Variants in KIZ observed in about 807,000 individuals in gnomAD.
The protein encoded by KIZ is kizuna centrosomal protein.
A neutral mutation model predicts 79.6 loss-of-function variants in KIZ; 68 were observed. That is an observed-to-expected ratio of 0.85 (90% CI 0.70 to 1.05). The LOEUF (loss-of-function observed/expected upper bound fraction) is 1.05. Among genes scored for constraint, KIZ ranks in the 50% least tolerant of loss-of-function variants. KIZ has a pLI of 0.00. For missense variants in KIZ, 797 were observed against 800.4 expected, an observed-to-expected ratio of 1.00 and a Z score of 0.05; for synonymous variants, 280 against 281.8, an observed-to-expected ratio of 0.99 and a Z score of 0.06.
chr20:21,222,121 G>A (rs999081809), intron 9 of KIZ, among the ~76,000 whole-genome samples: 7 of 152,206 alleles, frequency 4.6e-5, no homozygotes, highest in African/African-American at 1.7e-4. Flanking sequence ...TGCTACTTGC[G>A]GTAGCAAAAC....
At chr20:21,190,483 A>T (rs1333337366) in intron 6 of KIZ, among the ~76,000 whole-genome samples, 2 of 152,200 alleles carry the variant, frequency 1.3e-5, no homozygotes, top group African/African-American at 4.8e-5. Context: ...GTACCTGTGG[A>T]TGGGAGAGTC....
At chr20:21,193,092 T>A (rs986701046) in intron 6 of KIZ, among the ~76,000 whole-genome samples, 1 of 152,150 alleles carries the variant, frequency 6.6e-6, no homozygotes, top group Non-Finnish European at 1.5e-5. Context: ...CAGAGAGACC[T>A]TGCATCTCTG....
rs2033722183 is a variant in KIZ at position 21,162,464 on chromosome 20, T to TA, written c.1001dup (p.Trp335ValfsTer43). The TA allele has an allele frequency of 4.3e-6, 7 of 1,613,294 alleles. No individual in the cohort carries two copies. Among genetic ancestry groups the TA allele is most frequent in the Non-Finnish European group, 5.9e-6 (7 of 1,179,646 alleles). The stretch of plus-strand genomic sequence containing the variant: ...TTTCAGAATACTGTGAATCTGAAAA[T>TA]AAGTGGTCTCAAGAGAAGCATTCTC... On this transcript the variant is annotated frameshift_variant, in exon 5 of 13. Transcript: ENST00000619189. LOFTEE classifies it high-confidence loss of function.
At position 21,199,546 on chromosome 20, in the gene KIZ, G is replaced by C. The variant is rs2035501846; in HGVS notation, c.1353-5945G>C. ...CTTGAAAAAAGTGCCAAGTGTTTGT[G>C]ACCTTTGAGAGACAGCAGTCAGGTC... is the stretch of plus-strand genomic sequence containing the variant. On this transcript the variant is annotated intron_variant, in intron 6 of 12. Coordinates refer to ENST00000619189, the MANE Select transcript of KIZ (RefSeq NM_018474.6). Among the ~76,000 whole-genome samples the C allele has an allele frequency of 2.0e-5, 3 of 152,152 alleles. No individual in the cohort carries two copies. In the South Asian group the frequency reaches 6.2e-4, roughly 32 times the overall value.
chr20:21,205,457 A>G (rs1181130934), intron 6 of KIZ, 34 bp from the exon 7 acceptor site: 8 of 866,998 alleles, frequency 9.2e-6, no homozygotes, highest in South Asian at 3.1e-5. Flanking sequence ...TAATATTACA[A>G]ATCTATAGTG....
intron 6 of KIZ, among the ~76,000 whole-genome samples, chr20:21,178,900 G>A (rs1324450913): frequency 1.3e-5 from 2 of 151,950 alleles, no homozygotes; most frequent in African/African-American, 2.4e-5. Context: ...ATTCATTCTT[G>A]CATCCCAGGG....
intron 6 of KIZ, among the ~76,000 whole-genome samples, chr20:21,178,139 A>G (rs1230245808): frequency 6.6e-6 from 1 of 152,000 alleles, no homozygotes; most frequent in African/African-American, 2.4e-5. Flanking sequence ...TTTGATAGCA[A>G]TTTCATAGAA....
chr20:21,223,216 C>T (rs775372524), intron 9 of KIZ, among the ~76,000 whole-genome samples: 8 of 152,246 alleles, frequency 5.3e-5, no homozygotes, highest in Middle Eastern at 6.8e-3. Context: ...GTTGAAAATC[C>T]ACCTCTCACG....
chr20:21,141,823 A>T lies in KIZ; in HGVS notation c.316-3742A>T, dbSNP rs7270859. On this transcript the variant is annotated intron_variant, in intron 3 of 12. Coordinates refer to ENST00000619189, the MANE Select transcript of KIZ (RefSeq NM_018474.6). ...AACACACACACACACACACACACAC[A>T]CTCTCTCTCTCTCTCTCTCTCTCTC... is the stretch of plus-strand genomic sequence containing the variant. Among the ~76,000 whole-genome samples, 821 of 104,000 alleles carry T rather than the reference A, an allele frequency of 7.9e-3. 8 individuals carry two copies. Among genetic ancestry groups the T allele is most frequent in the Non-Finnish European group, 9.0e-3 (455 of 50,832 alleles). The allele number at this position is 104,000 out of a possible 152,430, so 68.2% of individuals were successfully genotyped here.
At chr20:21,185,238 T>A (rs1162468490) in intron 6 of KIZ, among the ~76,000 whole-genome samples, 1 of 152,224 alleles carries the variant, frequency 6.6e-6, no homozygotes, top group Non-Finnish European at 1.5e-5. Flanking sequence ...TCAACTATTT[T>A]TCTCACTTTT....
At position 21,161,904 on chromosome 20, in the gene KIZ, G is replaced by A. The variant is rs572412976; in HGVS notation, c.439G>A (p.Ala147Thr). The stretch of plus-strand genomic sequence containing the variant: ...GCACGAGGGGATTAACTCAGGAACA[G>A]CCATGTCAAGAGGATTGTATCAACC... ...AVHEGINSGTAMSRGLYQPAT... is the reference protein window; with the variant it reads ...AVHEGINSGTTMSRGLYQPAT... The change falls in exon 5 of 13, where the codon GCC (alanine) becomes ACC (threonine). Residue 147 changes from alanine (A) to threonine (T), a missense_variant. By Grantham distance (58) the Ala-to-Thr change is moderately conservative. Coordinates refer to ENST00000619189, the MANE Select transcript of KIZ (RefSeq NM_018474.6). The A allele has an allele frequency of 2.5e-6, 4 of 1,613,220 alleles. No homozygotes were observed. In the South Asian group the frequency reaches 3.3e-5, roughly 13 times the overall value.
chr20:21,154,616 A>T (rs1287991207), intron 4 of KIZ, among the ~76,000 whole-genome samples: 2 of 152,232 alleles, frequency 1.3e-5, no homozygotes, highest in African/African-American at 4.8e-5. Flanking sequence ...AAAGTTGGTC[A>T]TTATGTCAGA....
chr20:21,207,671 G>C (rs557015289), intron 7 of KIZ, among the ~76,000 whole-genome samples: 2 of 151,836 alleles, frequency 1.3e-5, no homozygotes, highest in South Asian at 4.2e-4. Context: ...AGATAACCTA[G>C]ATCTATTCCT....
intron 6 of KIZ, among the ~76,000 whole-genome samples, chr20:21,186,864 T>A (rs969135184): frequency 3.3e-5 from 5 of 152,148 alleles, no homozygotes; most frequent in African/African-American, 1.2e-4. Flanking sequence ...TCTTGTCCAC[T>A]TTCATTTTTC....
intron 6 of KIZ, among the ~76,000 whole-genome samples, chr20:21,176,413 T>G (rs1489698145): frequency 2.0e-5 from 3 of 152,092 alleles, no homozygotes. Context: ...TACCTACATT[T>G]GCAGCTGCAA....
chr20:21,219,241 G>T (rs1026955212), intron 9 of KIZ, among the ~76,000 whole-genome samples: 3 of 152,144 alleles, frequency 2.0e-5, no homozygotes, highest in Admixed American at 6.5e-5. Flanking sequence ...CAACTTTCTA[G>T]CTCTTCATTT....
intron 9 of KIZ, among the ~76,000 whole-genome samples, chr20:21,223,337 T>G (rs145013325): frequency 2.0e-5 from 3 of 152,316 alleles, no homozygotes; most frequent in African/African-American, 7.2e-5. Context: ...ATTGTTGAGT[T>G]GCCCCATAGA....
chr20:21,129,500 A>G (rs1250437087), intron 1 of KIZ, among the ~76,000 whole-genome samples: 1 of 152,104 alleles, frequency 6.6e-6, no homozygotes, highest in Admixed American at 6.6e-5. Context: ...TTTGAGAGGC[A>G]GAGGCGGGTG....
At chr20:21,239,620 AC>A (rs1317436063) in intron 11 of KIZ, among the ~76,000 whole-genome samples, 3 of 152,138 alleles carry the variant, frequency 2.0e-5, no homozygotes, top group Admixed American at 1.3e-4. Context: ...AGTAATTCTT[AC>A]TAACTTTATA....
Sources: allele counts gnomAD v4.1 joint callset (sites outside exome capture counted in the v4.1 genomes callset), GRCh38; gene constraint gnomAD v4.1.1; transcripts MANE v1.5; gene names NCBI Gene and HGNC (gene_info 2026-07-23, HGNC 2026-07-21).